Variants in RYR3 observed in about 807,000 individuals in gnomAD.
RYR3 encodes the protein brain ryanodine receptor-calcium release channel.
A neutral mutation model predicts 584.3 loss-of-function variants in RYR3; 207 were observed. The ratio of observed to expected loss-of-function variants is 0.35; its 90% CI spans 0.32 to 0.40. RYR3 has a LOEUF of 0.40. Ranked by LOEUF, RYR3 falls within the 10% of genes least tolerant of loss-of-function variation. The pLI is 1.00. For synonymous variants in RYR3, 2,416 were observed against 2,248.5 expected, an observed-to-expected ratio of 1.07 and a Z score of -2.11; for missense variants, 5,616 against 6,089.2, an observed-to-expected ratio of 0.92 and a Z score of 2.59.
chr15:33,754,991 G>C (rs1486980448), intron 57 of RYR3, 74 bp from the exon 58 acceptor site: 2 of 776,110 alleles, frequency 2.6e-6, no homozygotes, highest in Non-Finnish European at 4.5e-6. Context: ...ATTCAACACT[G>C]GTAGGACTGG....
chr15:33,332,823 A>G (rs1040558668), intron 1 of RYR3, among the ~76,000 whole-genome samples: 5 of 152,122 alleles, frequency 3.3e-5, no homozygotes, highest in African/African-American at 9.7e-5. Flanking sequence ...TTAGAAAAAA[A>G]TCTGTATTCT....
At chr15:33,516,306 C>A (rs139786649) in intron 3 of RYR3, among the ~76,000 whole-genome samples, 2 of 151,924 alleles carry the variant, frequency 1.3e-5, no homozygotes, top group African/African-American at 4.8e-5. Flanking sequence ...CATGTATATC[C>A]CTCTAAACCA....
intron 94 of RYR3, chr15:33,851,555 T>A (rs2079114173): frequency 6.6e-6 from 1 of 152,154 alleles, no homozygotes; most frequent in African/African-American, 2.4e-5. Context: ...TCGTAACAAG[T>A]AAAAAATCTG....
chr15:33,626,416 G>A (rs1237478372), intron 20 of RYR3, among the ~76,000 whole-genome samples: 1 of 152,204 alleles, frequency 6.6e-6, no homozygotes, highest in African/African-American at 2.4e-5. Flanking sequence ...AAGCAGCAAA[G>A]CATTCAAGAG....
intron 10 of RYR3, among the ~76,000 whole-genome samples, chr15:33,554,456 G>T (rs7165619): frequency 4.6e-5 from 7 of 152,048 alleles, no homozygotes; most frequent in East Asian, 1.9e-4. Context: ...CCACCACACC[G>T]GGCTAATTTT....
At position 33,550,168 on chromosome 15, in the gene RYR3, G is replaced by A. The variant is rs1291329819; in HGVS notation, c.824G>A (p.Gly275Asp). 1 of 1,612,116 alleles carries A rather than the reference G, an allele frequency of 6.2e-7. No individual in the cohort carries two copies. Among genetic ancestry groups the A allele is most frequent in the Non-Finnish European group, 8.5e-7 (1 of 1,179,406 alleles). ...RVEPLRISWS[G>D]SNIRWGQAFR... ...CTGTTTCATCTGCCCAGCTGGAGTG[G>A]CAGTAACATCAGATGGGGCCAGGCT... is the stretch of plus-strand genomic sequence containing the variant. The change falls in exon 10 of 104, where the codon GGC (glycine) becomes GAC (aspartate). Residue 275 changes from glycine to aspartate, a missense_variant. Physicochemically the swap from Gly to Asp is moderately conservative, Grantham distance 94. Coordinates refer to ENST00000634891, the MANE Select transcript of RYR3 (RefSeq NM_001036.6).
chr15:33,633,898 G>A (rs2061380024), intron 24 of RYR3, among the ~76,000 whole-genome samples: 2 of 152,208 alleles, frequency 1.3e-5, no homozygotes, highest in African/African-American at 4.8e-5. Flanking sequence ...GCTGTCATGA[G>A]GAGGCTATAG....
chr15:33,797,951 G>A (rs1205103378), intron 67 of RYR3, among the ~76,000 whole-genome samples: 1 of 152,240 alleles, frequency 6.6e-6, no homozygotes, highest in South Asian at 2.1e-4. Context: ...TTGGCTGCTA[G>A]TAGTGGAGAA....
intron 12 of RYR3, among the ~76,000 whole-genome samples, chr15:33,568,116 A>G (rs191478604): frequency 6.6e-6 from 1 of 152,200 alleles, no homozygotes; most frequent in Non-Finnish European, 1.5e-5. Context: ...AGAGGAAAAA[A>G]GTAGAGGCAG....
intron 46 of RYR3, among the ~76,000 whole-genome samples, chr15:33,726,855 T>A (rs1413071909): frequency 2.0e-5 from 3 of 152,256 alleles, no homozygotes; most frequent in African/African-American, 2.4e-5. Flanking sequence ...CATTAGATTG[T>A]ATTCCCAACA....
chr15:33,435,939 T>C (rs1367164847), intron 1 of RYR3, among the ~76,000 whole-genome samples: 1 of 152,222 alleles, frequency 6.6e-6, no homozygotes, highest in Admixed American at 6.5e-5. Context: ...CATGTCCTGC[T>C]GATTGGTCCA....
chr15:33,534,841 CA>C (rs2055192032), intron 5 of RYR3, among the ~76,000 whole-genome samples: 1 of 152,214 alleles, frequency 6.6e-6, no homozygotes, highest in Admixed American at 6.5e-5. Flanking sequence ...TAAAAATATT[CA>C]TGAACAATCT....
chr15:33,830,793 G>A (rs1185129308), intron 85 of RYR3, 170 bp from the exon 86 acceptor site: 2 of 556,676 alleles, frequency 3.6e-6, no homozygotes. Flanking sequence ...ATTTGTGCAT[G>A]AAAGATCCTA....
Position 33,778,170 on chromosome 15 carries a change from A to AAAATAAATAAATAAATAAATAAAT in RYR3, c.9138-2037_9138-2014dup, listed in dbSNP as rs112695825. ...GGGCGACAGAGCAAGACTCTGTCTC[A>AAAATAAATAAATAAATAAATAAAT]AAATAAATAAATAAATAAATAAATA... is the stretch of plus-strand genomic sequence containing the variant. On this transcript the variant is annotated intron_variant, in intron 64 of 103. Coordinates refer to ENST00000634891, the MANE Select transcript of RYR3 (RefSeq NM_001036.6). Among the ~76,000 whole-genome samples, 570 of 148,406 alleles carry AAAATAAATAAATAAATAAATAAAT rather than the reference A, an allele frequency of 3.8e-3. 2 individuals are homozygous for AAAATAAATAAATAAATAAATAAAT. The highest frequency in any genetic ancestry group is 6.3e-3 in the Admixed American group (94 of 14,932).
At chr15:33,368,866 A>G (rs145856011) in intron 1 of RYR3, among the ~76,000 whole-genome samples, 165 of 152,230 alleles carry the variant, frequency 1.1e-3, no homozygotes, top group Non-Finnish European at 2.0e-3. Context: ...GAGGGTTTCA[A>G]TCCGAAACAT....
At chr15:33,740,061 G>A (rs1208730055) in intron 51 of RYR3, 66 bp downstream of exon 51, 61 of 1,428,578 alleles carry the variant, frequency 4.3e-5, no homozygotes, top group Non-Finnish European at 5.6e-5. Context: ...TTCTTCCAGA[G>A]GGTAGCAAGA....
chr15:33,565,105 G>A (rs1406720665), intron 11 of RYR3, among the ~76,000 whole-genome samples: 1 of 57,938 alleles, frequency 1.7e-5, no homozygotes, highest in Non-Finnish European at 3.4e-5. Context: ...TCGCAGAGAA[G>A]GAAGGACCTT....
chr15:33,613,423 C>T, intron 19 of RYR3, 48 bp downstream of exon 19: 1 of 1,527,866 alleles, frequency 6.5e-7, no homozygotes, highest in Non-Finnish European at 8.9e-7. Flanking sequence ...ACCCCACCTC[C>T]CCGCCACCAC....
chr15:33,343,805 T>C (rs1419873023), intron 1 of RYR3, among the ~76,000 whole-genome samples: 1 of 152,222 alleles, frequency 6.6e-6, no homozygotes, highest in Non-Finnish European at 1.5e-5. Context: ...GACTTTTGCT[T>C]ATTTGGCCTA....
Sources: gnomAD v4.1 joint callset for allele counts (sites outside exome capture counted in the v4.1 genomes callset) on GRCh38, gnomAD v4.1.1 for gene constraint, MANE v1.5 for transcripts, NCBI Gene and HGNC (gene_info 2026-07-23, HGNC 2026-07-21) for gene names.